Variants in RAB40A observed in about 807,000 individuals in gnomAD.
RAB40A encodes the protein RAB40A, member RAS oncogene family.
For synonymous variants in RAB40A, 65 were observed against 99.9 expected, an observed-to-expected ratio of 0.65 and a Z score of 2.08; for missense variants, 145 against 230.2, an observed-to-expected ratio of 0.63 and a Z score of 2.40.
In RAB40A at chrX:103,500,617, C is replaced by G. The variant is rs755888694; in HGVS notation, c.140G>C (p.Gly47Ala). ...GAAESPYSHL[G>A]GIDYKTTTIL... ...GGTGGTCGTCTTGTAGTCGATCCCC[C>G]CGAGATGGCTGTACGGGGACTCAGC... Residue 47 changes from glycine (G) to alanine (A), a missense_variant, in exon 3 of 3, where the codon GGG becomes GCG. Coordinates refer to ENST00000304236, the MANE Select transcript of RAB40A (RefSeq NM_080879.3). 7.4e-6 allele frequency: 9 copies of G among 1,211,362 alleles called. No individual in the cohort carries two copies. Among genetic ancestry groups the G allele is most frequent in the Non-Finnish European group, 1.0e-5 (9 of 895,361 alleles).
chrX:103,493,679 G>A, the RAB40A span, among the ~76,000 whole-genome samples: 210 of 112,090 alleles, frequency 1.9e-3, 1 homozygote, highest in African/African-American at 6.7e-3. Flanking sequence ...GTGAGAACAT[G>A]CAATGTTTGT....
intron 1 of RAB40A, among the ~76,000 whole-genome samples, chrX:103,518,738 C>T (rs2073328137): frequency 9.0e-6 from 1 of 111,413 alleles, no homozygotes; most frequent in Non-Finnish European, 1.9e-5. Flanking sequence ...CTTTGGAGAA[C>T]CCTAGGGAAA....
At chrX:103,514,597 C>G (rs5987466) in intron 2 of RAB40A, among the ~76,000 whole-genome samples, 8,674 of 111,358 alleles carry the variant, frequency 0.078, 880 homozygotes, top group African/African-American at 0.27. Flanking sequence ...GTGATCCACC[C>G]GTCTCAACCT....
At chrX:103,510,039 C>T (rs773896047) in intron 2 of RAB40A, among the ~76,000 whole-genome samples, 1 of 111,334 alleles carries the variant, frequency 9.0e-6, no homozygotes, top group South Asian at 3.8e-4. Flanking sequence ...CTCCTGACCT[C>T]GTGATCCACC....
intron 1 of RAB40A, among the ~76,000 whole-genome samples, chrX:103,518,526 A>G (rs1210809142): frequency 1.8e-5 from 2 of 110,990 alleles, no homozygotes; most frequent in Non-Finnish European, 3.8e-5. Flanking sequence ...GGACCAAACT[A>G]TCATGCCAGA....
chrX:103,514,947 G>A (rs900774825), intron 2 of RAB40A, among the ~76,000 whole-genome samples: 3 of 111,965 alleles, frequency 2.7e-5, no homozygotes, highest in Non-Finnish European at 5.6e-5. Context: ...GCATCATAAT[G>A]TACATTCATT....
intron 2 of RAB40A, among the ~76,000 whole-genome samples, chrX:103,504,997 T>C (rs1213826812): frequency 3.6e-5 from 4 of 112,435 alleles, no homozygotes; most frequent in Non-Finnish European, 7.5e-5. Flanking sequence ...TTATCTTCAC[T>C]TCAGGAGCTT....
the RAB40A span, among the ~76,000 whole-genome samples, chrX:103,493,680 C>CA: frequency 2.8e-4 from 31 of 112,048 alleles, no homozygotes; most frequent in Admixed American, 2.4e-3. Context: ...TGAGAACATG[C>CA]AATGTTTGTC....
chrX:103,508,664 A>G (rs2073269622), intron 2 of RAB40A, among the ~76,000 whole-genome samples: 1 of 112,155 alleles, frequency 8.9e-6, no homozygotes, highest in African/African-American at 3.2e-5. Context: ...AGTTTTAGAA[A>G]CAGAATGTTC....
chrX:103,498,336 T>C (rs1391699624), downstream of RAB40A, among the ~76,000 whole-genome samples: 1 of 111,614 alleles, frequency 9.0e-6, no homozygotes, highest in Non-Finnish European at 1.9e-5. Context: ...GTCTACAGAG[T>C]AGGAAATTTA....
At chrX:103,512,537 T>C (rs1279668810) in intron 2 of RAB40A, among the ~76,000 whole-genome samples, 1 of 111,693 alleles carries the variant, frequency 9.0e-6, no homozygotes, top group Non-Finnish European at 1.9e-5. Flanking sequence ...GAAGTATAGA[T>C]TTAGAATTAC....
chrX:103,503,949 A>G (rs1323604056), intron 2 of RAB40A, among the ~76,000 whole-genome samples: 1 of 111,936 alleles, frequency 8.9e-6, no homozygotes, highest in Non-Finnish European at 1.9e-5. Flanking sequence ...AAATTAATAA[A>G]CATGTGCACA....
intron 2 of RAB40A, among the ~76,000 whole-genome samples, chrX:103,505,710 T>C (rs1284105668): frequency 1.8e-5 from 2 of 112,062 alleles, no homozygotes; most frequent in Non-Finnish European, 3.8e-5. Flanking sequence ...TTTCACTCTG[T>C]ATTTCAATAT....
intron 2 of RAB40A, chrX:103,501,925 CTTATCAG>C (rs1423698632): frequency 8.1e-6 from 1 of 123,205 alleles, no homozygotes; most frequent in Non-Finnish European, 1.9e-5. Flanking sequence ...TGGAAACACA[CTTATCAG>C]TTATAAATAC....
chrX:103,511,371 T>C (rs5987536), intron 2 of RAB40A, among the ~76,000 whole-genome samples: 16,166 of 108,599 alleles, frequency 0.15, 3,075 homozygotes, highest in African/African-American at 0.52. Flanking sequence ...GGTGTGGTGG[T>C]GGGCGCCTGT....
chrX:103,495,961 G>A (rs1180894), downstream of RAB40A, among the ~76,000 whole-genome samples: 21,497 of 111,266 alleles, frequency 0.19, 1,835 homozygotes, highest in Middle Eastern at 0.3. Context: ...CTGAGGTTAT[G>A]GGTTTTCAGA....
intron 2 of RAB40A, chrX:103,503,210 G>A (rs367736506): frequency 2.0e-5 from 15 of 751,033 alleles, no homozygotes; most frequent in African/African-American, 2.3e-5. Context: ...AAACATATGC[G>A]CCAGGGCATG....
downstream of RAB40A, chrX:103,497,529 G>A (rs1262428324): frequency 8.9e-6 from 1 of 111,936 alleles, no homozygotes; most frequent in Non-Finnish European, 1.9e-5. Flanking sequence ...AGGAAGATGG[G>A]AGCACTCAGC....
intron 2 of RAB40A, among the ~76,000 whole-genome samples, chrX:103,515,714 C>T (rs59159060): frequency 0.048 from 5,347 of 111,823 alleles, 311 homozygotes; most frequent in African/African-American, 0.17. Context: ...ACAGAGATGG[C>T]ACCTAACCTC....
Sources: gnomAD v4.1 joint callset for allele counts (sites outside exome capture counted in the v4.1 genomes callset) on GRCh38, gnomAD v4.1.1 for gene constraint, MANE v1.5 for transcripts, NCBI Gene and HGNC (gene_info 2026-07-23, HGNC 2026-07-21) for gene names.